Variants in RAB3IP observed in about 807,000 individuals in gnomAD.
The protein encoded by RAB3IP is RAB3A interacting protein, also known as rab-3A-interacting protein.
RAB3IP carries 36 observed loss-of-function variants against 59.1 expected under a neutral mutation model. The observed-to-expected ratio is 0.61, with a 90% CI of 0.47 to 0.80. The LOEUF is 0.80. Ranked by LOEUF, RAB3IP falls within the 30% of genes least tolerant of loss-of-function variation. RAB3IP has a pLI of 0.00. For synonymous variants in RAB3IP, 207 were observed against 191.2 expected (o/e 1.08, Z -0.68); for missense variants, 511 against 536.0 (o/e 0.95, Z 0.46).
At chr12:69,767,629 G>GT (rs1300202859) in intron 3 of RAB3IP, among the ~76,000 whole-genome samples, 1 of 152,250 alleles carries the variant, frequency 6.6e-6, no homozygotes, top group East Asian at 1.9e-4. Context: ...ATCTAAGAGA[G>GT]TTGGTGCTCC....
intron 5 of RAB3IP, 81 bp downstream of exon 5, chr12:69,794,595 G>T (rs1275768408): frequency 1.8e-6 from 2 of 1,126,392 alleles, no homozygotes; most frequent in South Asian, 1.6e-5. Context: ...GTTGGATTTT[G>T]TTCTGATCGT....
chr12:69,792,803 C>A (rs890564553), intron 4 of RAB3IP, among the ~76,000 whole-genome samples: 3 of 152,148 alleles, frequency 2.0e-5, no homozygotes, highest in African/African-American at 7.2e-5. Context: ...GTTTACTTCA[C>A]TATTTTGTTC....
chr12:69,740,726 T>G (rs1474048803), intron 1 of RAB3IP, among the ~76,000 whole-genome samples: 1 of 152,210 alleles, frequency 6.6e-6, no homozygotes, highest in East Asian at 1.9e-4. Flanking sequence ...TTGTCTAAAC[T>G]CTCATCCTCC....
upstream of RAB3IP, chr12:69,738,843 C>T (rs1886937077): frequency 1.3e-5 from 2 of 152,272 alleles, no homozygotes; most frequent in East Asian, 1.9e-4. Context: ...CTCCCGGCCC[C>T]CGGCCCCGCT....
Position 69,755,803 on chromosome 12 carries a change from T to C in RAB3IP, c.251+144T>C, listed in dbSNP as rs1380674482. On this transcript the variant is annotated intron_variant, in intron 2 of 10. Transcript: ENST00000247833. ...AGAAATACATGACCTGATAATGTTC[T>C]AGAACAGGGTTGACAAACTTTATAT... 3 of 686,120 alleles carry C rather than the reference T, an allele frequency of 4.4e-6. No homozygotes were observed. In the East Asian group the frequency reaches 8.2e-5, roughly 19 times the overall value. The allele number at this position is 686,120 out of a possible 1,614,324, so 42.5% of individuals were successfully genotyped here. A position where few individuals can be genotyped will look rare whatever the true frequency, so the allele number is the denominator to read the frequency against.
chr12:69,785,958 G>A (rs1157209699), intron 4 of RAB3IP, among the ~76,000 whole-genome samples: 4 of 152,118 alleles, frequency 2.6e-5, no homozygotes, highest in African/African-American at 9.7e-5. Context: ...GTCTTTAGAA[G>A]TTCCTTAACA....
chr12:69,807,002 C>G (rs1433324050), intron 8 of RAB3IP, among the ~76,000 whole-genome samples: 11 of 152,202 alleles, frequency 7.2e-5, no homozygotes, highest in Admixed American at 7.2e-4. Flanking sequence ...CAGTAACAAT[C>G]TGATCTCTCT....
chr12:69,740,296 TTTG>T (rs1478570185), intron 1 of RAB3IP, among the ~76,000 whole-genome samples: 2 of 152,224 alleles, frequency 1.3e-5, no homozygotes, highest in African/African-American at 4.8e-5. Context: ...TCTGTTATCA[TTTG>T]TTATTTATTT....
At chr12:69,810,800 G>T (rs978998337) in intron 8 of RAB3IP, among the ~76,000 whole-genome samples, 2 of 152,126 alleles carry the variant, frequency 1.3e-5, no homozygotes, top group Non-Finnish European at 2.9e-5. Context: ...AGAGGATTAC[G>T]GTCTAGATTT....
chr12:69,751,424 A>C (rs892797976), intron 1 of RAB3IP, among the ~76,000 whole-genome samples: 3 of 152,118 alleles, frequency 2.0e-5, no homozygotes, highest in Non-Finnish European at 2.9e-5. Flanking sequence ...CTCTGAGTAC[A>C]TGGGTGCGCA....
intron 8 of RAB3IP, among the ~76,000 whole-genome samples, chr12:69,808,947 G>T (rs1879935033): frequency 3.3e-5 from 5 of 151,296 alleles, no homozygotes; most frequent in African/African-American, 9.8e-5. Flanking sequence ...TCATTATGAT[G>T]TTAGCTGGTT....
intron 3 of RAB3IP, among the ~76,000 whole-genome samples, chr12:69,784,513 A>G (rs1315621093): frequency 2.6e-5 from 4 of 151,216 alleles, no homozygotes; most frequent in Admixed American, 6.6e-5. Flanking sequence ...AAATGTGAAA[A>G]TTTAATTTGT....
At position 69,805,160 on chromosome 12, in the gene RAB3IP, C is replaced by T. The variant is rs552045079; in HGVS notation, c.1130+3439C>T. Reference sequence around the variant, plus strand: ...ATGTTCTTCCATTTGTTTGTATCCTCTTTTATTTCATTGAGCAGTGGTTTG... The same window carrying T: ...ATGTTCTTCCATTTGTTTGTATCCTTTTTTATTTCATTGAGCAGTGGTTTG... On this transcript the variant is annotated intron_variant, in intron 8 of 10. Transcript: ENST00000247833. 3.9e-5 allele frequency among the ~76,000 whole-genome samples: 6 copies of T among 152,314 alleles called. No homozygotes were observed. In the South Asian group the frequency reaches 1.2e-3, roughly 32 times the overall value.
intron 3 of RAB3IP, among the ~76,000 whole-genome samples, chr12:69,772,430 C>CA (rs1426271061): frequency 6.6e-6 from 1 of 152,170 alleles, no homozygotes; most frequent in African/African-American, 2.4e-5. Context: ...TAAGTAAAGA[C>CA]ATACTACTGC....
intron 3 of RAB3IP, among the ~76,000 whole-genome samples, chr12:69,765,080 C>CA (rs1472739280): frequency 2.0e-5 from 3 of 152,114 alleles, no homozygotes; most frequent in Non-Finnish European, 2.9e-5. Flanking sequence ...ATCATATAGT[C>CA]TGTAGGAGAG....
chr12:69,745,471 TA>T (rs1392722188), intron 1 of RAB3IP, among the ~76,000 whole-genome samples: 1 of 152,008 alleles, frequency 6.6e-6, no homozygotes, highest in African/African-American at 2.4e-5. Flanking sequence ...GAATAAGTAT[TA>T]AATTCTGGCA....
chr12:69,748,908 A>T (rs1180155125), intron 1 of RAB3IP, among the ~76,000 whole-genome samples: 1 of 152,228 alleles, frequency 6.6e-6, no homozygotes, highest in African/African-American at 2.4e-5. Context: ...ATTACATTTT[A>T]TGGAAATTTT....
intron 8 of RAB3IP, among the ~76,000 whole-genome samples, chr12:69,802,841 T>C (rs562784442): frequency 2.0e-5 from 3 of 152,324 alleles, no homozygotes; most frequent in African/African-American, 7.2e-5. Flanking sequence ...GGAGGGTTCC[T>C]AGTCATATGT....
chr12:69,798,386 G>A (rs1374559803), intron 6 of RAB3IP, among the ~76,000 whole-genome samples: 1 of 151,128 alleles, frequency 6.6e-6, no homozygotes, highest in Non-Finnish European at 1.5e-5. Context: ...TTTTTTTCTT[G>A]TAAATTTGTT....
Sources: gnomAD v4.1 joint callset for allele counts (sites outside exome capture counted in the v4.1 genomes callset) on GRCh38, gnomAD v4.1.1 for gene constraint, MANE v1.5 for transcripts, NCBI Gene and HGNC (gene_info 2026-07-23, HGNC 2026-07-21) for gene names.